Variants in FHIT observed in about 807,000 individuals in gnomAD.
FHIT encodes the protein fragile histidine triad diadenosine triphosphatase, also known as bis(5'-adenosyl)-triphosphatase.
A neutral mutation model predicts 17.9 loss-of-function variants in FHIT; 19 were observed. The observed-to-expected ratio is 1.06, with a 90% CI of 0.74 to 1.56. The LOEUF (loss-of-function observed/expected upper bound fraction) is 1.56, where lower values mean the gene tolerates loss of function less well. Among genes scored for constraint, FHIT ranks in the 40% most tolerant of loss-of-function variants. FHIT has a pLI of 0.00. For missense variants in FHIT, 248 were observed against 189.2 expected (o/e 1.31, Z -1.82); for synonymous variants, 81 against 69.7 (o/e 1.16, Z -0.81).
At chr3:59,871,256 C>G (rs615964) in intron 8 of FHIT, among the ~76,000 whole-genome samples, 11,700 of 152,204 alleles carry the variant, frequency 0.077, 550 homozygotes, top group Non-Finnish European at 0.11. Flanking sequence ...AATGACATTT[C>G]TGAAGCCAGT....
intron 4 of FHIT, among the ~76,000 whole-genome samples, chr3:60,806,848 C>T (rs1478038241): frequency 1.3e-5 from 2 of 152,188 alleles, no homozygotes; most frequent in African/African-American, 4.8e-5. Context: ...AGAAGCAATG[C>T]AATCGCAAAG....
intron 4 of FHIT, among the ~76,000 whole-genome samples, chr3:60,630,033 G>C (rs1332865067): frequency 1.3e-5 from 2 of 152,152 alleles, no homozygotes; most frequent in Non-Finnish European, 2.9e-5. Flanking sequence ...AAGCGTATGG[G>C]AGGGCTATTT....
chr3:60,037,424 T>C (rs1701264074), intron 5 of FHIT, among the ~76,000 whole-genome samples: 1 of 150,794 alleles, frequency 6.6e-6, no homozygotes, highest in African/African-American at 2.4e-5. Context: ...AGTCTTGCTC[T>C]GTCGCCCGAG....
chr3:60,133,387 A>T (rs1699680128), intron 5 of FHIT, among the ~76,000 whole-genome samples: 1 of 152,284 alleles, frequency 6.6e-6, no homozygotes, highest in African/African-American at 2.4e-5. Flanking sequence ...CTCCCTGCCA[A>T]AACTTCTCCT....
chr3:61,188,469 C>A (rs1051939182), intron 2 of FHIT, among the ~76,000 whole-genome samples: 1 of 152,138 alleles, frequency 6.6e-6, no homozygotes, highest in Non-Finnish European at 1.5e-5. Context: ...AAGTCCAGGA[C>A]CAGAGGGATT....
At chr3:60,388,950 G>A (rs1701119409) in intron 5 of FHIT, among the ~76,000 whole-genome samples, 1 of 152,152 alleles carries the variant, frequency 6.6e-6, no homozygotes, top group African/African-American at 2.4e-5. Flanking sequence ...CACATTCTTA[G>A]AACACACAGC....
chr3:60,163,337 C>T lies in FHIT; in HGVS notation c.104-149185G>A, dbSNP rs112123182. On this transcript the variant is annotated intron_variant, in intron 5 of 9. Coordinates refer to ENST00000492590, the MANE Select transcript of FHIT (RefSeq NM_002012.4). ...GGTAGGTACTACCTTTACCCACACGCGTGTTCTTGAACTCCCCTTACATCT... is the reference window on the plus strand; with the variant it reads ...GGTAGGTACTACCTTTACCCACACGTGTGTTCTTGAACTCCCCTTACATCT... Among the ~76,000 whole-genome samples, 8 of 152,216 alleles carry T rather than the reference C, an allele frequency of 5.3e-5. No homozygotes were observed. In the East Asian group the frequency reaches 1.4e-3, roughly 26 times the overall value.
At chr3:60,896,547 A>C (rs1705831483) in intron 3 of FHIT, among the ~76,000 whole-genome samples, 2 of 152,152 alleles carry the variant, frequency 1.3e-5, no homozygotes, top group African/African-American at 4.8e-5. Flanking sequence ...AAGTAATTTC[A>C]GAATTGTCCC....
At chr3:60,414,020 G>T in intron 5 of FHIT, among the ~76,000 whole-genome samples, 1 of 152,154 alleles carries the variant, frequency 6.6e-6, no homozygotes, top group Admixed American at 6.6e-5. Flanking sequence ...AATTGTGATA[G>T]AATATGAAGG....
intron 4 of FHIT, among the ~76,000 whole-genome samples, chr3:60,570,162 G>A (rs1667546324): frequency 6.6e-6 from 1 of 152,084 alleles, no homozygotes; most frequent in Non-Finnish European, 1.5e-5. Flanking sequence ...GGGAAGCCAT[G>A]CTGCACTGGA....
chr3:61,024,548 T>C (rs2032630778), intron 3 of FHIT, among the ~76,000 whole-genome samples: 1 of 152,128 alleles, frequency 6.6e-6, no homozygotes, highest in African/African-American at 2.4e-5. Context: ...TAATTATAGG[T>C]TTATTGTTAC....
chr3:59,817,502 A>G (rs1356106295), intron 8 of FHIT, among the ~76,000 whole-genome samples: 4 of 150,620 alleles, frequency 2.7e-5, no homozygotes, highest in African/African-American at 9.8e-5. Context: ...TCGGGGCTGC[A>G]TAATGAGTTC....
chr3:61,219,120 C>T (rs1444991399), intron 1 of FHIT, among the ~76,000 whole-genome samples: 1 of 152,070 alleles, frequency 6.6e-6, no homozygotes, highest in Non-Finnish European at 1.5e-5. Flanking sequence ...GTAATTATAA[C>T]ACGATGATAA....
chr3:60,982,666 T>C (rs1461774163), intron 3 of FHIT, among the ~76,000 whole-genome samples: 1 of 152,234 alleles, frequency 6.6e-6, no homozygotes, highest in Non-Finnish European at 1.5e-5. Context: ...TGTTATTCTC[T>C]GTTGCAACTC....
chr3:60,116,590 C>A (rs970884261), intron 5 of FHIT, among the ~76,000 whole-genome samples: 5 of 152,148 alleles, frequency 3.3e-5, no homozygotes, highest in Non-Finnish European at 7.3e-5. Flanking sequence ...CATTACAAGA[C>A]AGTATGAATT....
At chr3:60,647,031 TAATAC>T (rs2039876308) in intron 4 of FHIT, among the ~76,000 whole-genome samples, 1 of 152,210 alleles carries the variant, frequency 6.6e-6, no homozygotes, top group African/African-American at 2.4e-5. Flanking sequence ...GCTCTTCGTT[TAATAC>T]AATACAGATT....
At chr3:60,807,518 G>A (rs1006119796) in intron 4 of FHIT, among the ~76,000 whole-genome samples, 2 of 152,158 alleles carry the variant, frequency 1.3e-5, no homozygotes, top group African/African-American at 4.8e-5. Context: ...AGCCCGGGAG[G>A]TAGAGGCTAC....
chr3:60,989,296 T>C (rs1277037894), intron 3 of FHIT, among the ~76,000 whole-genome samples: 1 of 152,034 alleles, frequency 6.6e-6, no homozygotes. Flanking sequence ...ACCACAGGTG[T>C]GTACCACCAC....
At chr3:60,525,396 A>G (rs1240249846) in intron 5 of FHIT, among the ~76,000 whole-genome samples, 1 of 152,198 alleles carries the variant, frequency 6.6e-6, no homozygotes, top group African/African-American at 2.4e-5. Context: ...TGACTCTAAG[A>G]ATTGAAGGGA....
Sources: gnomAD v4.1 joint callset for allele counts (sites outside exome capture counted in the v4.1 genomes callset) on GRCh38, gnomAD v4.1.1 for gene constraint, MANE v1.5 for transcripts, NCBI Gene and HGNC (gene_info 2026-07-23, HGNC 2026-07-21) for gene names.